LAMA2: variants seen among roughly 807,000 people sequenced by gnomAD.
LAMA2 encodes laminin subunit alpha 2.
A neutral mutation model predicts 364.8 loss-of-function variants in LAMA2; 269 were observed. The observed-to-expected ratio is 0.74, with a 90% CI of 0.67 to 0.82. The LOEUF (loss-of-function observed/expected upper bound fraction) is 0.82, where lower values mean the gene tolerates loss of function less well. Ranked by LOEUF, LAMA2 falls within the 40% of genes least tolerant of loss-of-function variation. The probability of loss-of-function intolerance (pLI) is 0.00; values close to 1 mark genes in which losing one functional copy is unlikely to be tolerated. For synonymous variants in LAMA2, 1,379 were observed against 1,370.6 expected (o/e 1.01, Z -0.14); for missense variants, 3,807 against 3,873.2 (o/e 0.98, Z 0.45).
At chr6:129,430,530 T>C (rs1781537032) in intron 41 of LAMA2, among the ~76,000 whole-genome samples, 1 of 152,256 alleles carries the variant, frequency 6.6e-6, no homozygotes, top group Non-Finnish European at 1.5e-5. Flanking sequence ...GAAGCCTGTC[T>C]ACATTGCACT....
At chr6:129,137,723 CTAGTCCAGTCTA>C (rs1000621608) in intron 4 of LAMA2, among the ~76,000 whole-genome samples, 32 of 152,188 alleles carry the variant, frequency 2.1e-4, no homozygotes, top group Non-Finnish European at 4.3e-4. Flanking sequence ...ATTGGAAGCT[CTAGTCCAGTCTA>C]TAGTATTTGG....
intron 1 of LAMA2, among the ~76,000 whole-genome samples, chr6:128,980,902 A>G (rs1782824580): frequency 6.6e-6 from 1 of 152,244 alleles, no homozygotes; most frequent in South Asian, 2.1e-4. Flanking sequence ...ATCATTGGAC[A>G]AATGTGAGAT....
At chr6:129,136,048 G>C (rs1269846322) in intron 4 of LAMA2, among the ~76,000 whole-genome samples, 1 of 151,932 alleles carries the variant, frequency 6.6e-6, no homozygotes. Context: ...AAAGTGAGAG[G>C]GAAGGGGGAA....
At chr6:129,435,751 A>C (rs1157012046) in intron 41 of LAMA2, among the ~76,000 whole-genome samples, 4 of 152,132 alleles carry the variant, frequency 2.6e-5, no homozygotes, top group Non-Finnish European at 5.9e-5. Flanking sequence ...AAGTGGAGTG[A>C]ATCATTAATT....
chr6:128,956,194 TATTTTA>T (rs1358027318), intron 1 of LAMA2, among the ~76,000 whole-genome samples: 1 of 151,936 alleles, frequency 6.6e-6, no homozygotes, highest in African/African-American at 2.4e-5. Context: ...TTTAAAATAA[TATTTTA>T]ATATTAAAGG....
intron 3 of LAMA2, among the ~76,000 whole-genome samples, chr6:129,081,793 T>C (rs529141964): frequency 9.8e-5 from 15 of 152,326 alleles, no homozygotes; most frequent in African/African-American, 3.1e-4. Context: ...TTATTACTTA[T>C]GAGCATTAAA....
intron 1 of LAMA2, among the ~76,000 whole-genome samples, chr6:128,901,982 G>A (rs964228350): frequency 2.6e-5 from 4 of 152,200 alleles, no homozygotes; most frequent in African/African-American, 9.6e-5. Flanking sequence ...GTTCCACCTG[G>A]CTGGGGAGGC....
At chr6:129,151,658 C>A (rs1418579628) in intron 7 of LAMA2, among the ~76,000 whole-genome samples, 1 of 152,134 alleles carries the variant, frequency 6.6e-6, no homozygotes, top group Non-Finnish European at 1.5e-5. Flanking sequence ...GAAGAGGGAG[C>A]AGGCACATCT....
At position 129,401,254 on chromosome 6, in the gene LAMA2, C is replaced by T. The variant is rs747349942; in HGVS notation, c.5476C>T (p.Arg1826Ter). The T allele has an allele frequency of 5.9e-5, 95 of 1,611,364 alleles. No individual in the cohort carries two copies. Among genetic ancestry groups the T allele is most frequent in the South Asian group, 8.8e-5 (8 of 90,996 alleles). Residue 1826 changes from arginine (R) to a stop codon, truncating the protein, a stop_gained, in exon 38 of 65, where the codon CGA becomes TGA. Transcript: ENST00000421865. LOFTEE classifies it high-confidence loss of function. ...KKKEAVESGK[R>*]QIENTLKEGN... ...GAAGGAGGCTGTTGAAAGCGGCAAACGACAAATTGAGAACACTTTAAAAGA... is the reference window on the plus strand; with the variant it reads ...GAAGGAGGCTGTTGAAAGCGGCAAATGACAAATTGAGAACACTTTAAAAGA...
At chr6:129,121,996 TGCAAAATTACAGCTCACTC>T (rs1776829057) in intron 4 of LAMA2, among the ~76,000 whole-genome samples, 1 of 152,206 alleles carries the variant, frequency 6.6e-6, no homozygotes, top group Non-Finnish European at 1.5e-5. Flanking sequence ...TGATGCCTAT[TGCAAAATTACAGCTCACTC>T]TTAAAATTAT....
intron 30 of LAMA2, among the ~76,000 whole-genome samples, chr6:129,346,378 C>A (rs1776552842): frequency 6.6e-6 from 1 of 152,190 alleles, no homozygotes; most frequent in South Asian, 2.1e-4. Flanking sequence ...TCAAACCCTA[C>A]CTCTGCCACA....
intron 55 of LAMA2, among the ~76,000 whole-genome samples, chr6:129,482,098 G>T (rs182335576): frequency 6.6e-6 from 1 of 152,174 alleles, no homozygotes; most frequent in African/African-American, 2.4e-5. Flanking sequence ...TTGAGCCCAG[G>T]AGTTTGAAAC....
rs777129293 is a variant in LAMA2, at chr6:129,312,839, G to A, written c.3175-22G>A. 2.6e-6 allele frequency: 4 copies of A among 1,521,698 alleles called. No homozygotes were observed. The highest frequency in any genetic ancestry group is 3.6e-6 in the Non-Finnish European group (4 of 1,096,030). The allele number at this position is 1,521,698 out of a possible 1,614,324, so 94.3% of individuals were successfully genotyped here. A position where few individuals can be genotyped will look rare whatever the true frequency, so the allele number is the denominator to read the frequency against. ...TTCCCATAAAGTTGTGTTAATGGTT[G>A]CTGTTTTTATCTCCTCTATAGGCTT... On this transcript the variant is annotated intron_variant, in intron 22 of 64. Coordinates refer to ENST00000421865, the MANE Select transcript of LAMA2 (RefSeq NM_000426.4).
At chr6:129,248,144 C>A (rs753519539) in intron 12 of LAMA2, among the ~76,000 whole-genome samples, 18 of 152,136 alleles carry the variant, frequency 1.2e-4, no homozygotes, top group African/African-American at 2.4e-4. Context: ...TTGTGAACTG[C>A]GCATGCGAGG....
intron 1 of LAMA2, among the ~76,000 whole-genome samples, chr6:129,010,511 T>C (rs1784700928): frequency 1.3e-5 from 2 of 152,200 alleles, no homozygotes; most frequent in Non-Finnish European, 2.9e-5. Flanking sequence ...TTTAAAAACT[T>C]TCATGATGTA....
At position 129,514,499 on chromosome 6, in the gene LAMA2, C is replaced by A; in HGVS notation, c.9115C>A (p.Leu3039Ile). ...CAACAAGATCAAACACCGCATTGAG[C>A]TCACAGTCGATGGGAACCAGGTGGA... ...TANKIKHRIE[L>I]TVDGNQVEAQ... Residue 3039 changes from leucine (L) to isoleucine (I), a missense_variant, in exon 64 of 65, where the codon CTC becomes ATC. By Grantham distance (5) the Leu-to-Ile change is conservative. This residue lies in a region of LAMA2 where 3,333 missense variants were observed against 3,345.7 expected (regional missense o/e 1.00). Transcript: ENST00000421865. 1 of 1,614,128 alleles carries A rather than the reference C, an allele frequency of 6.2e-7. No homozygotes were observed. The highest frequency in any genetic ancestry group is 8.5e-7 in the Non-Finnish European group (1 of 1,179,982).
chr6:128,898,282 A>G (rs1375200441), intron 1 of LAMA2, among the ~76,000 whole-genome samples: 1 of 152,142 alleles, frequency 6.6e-6, no homozygotes, highest in Non-Finnish European at 1.5e-5. Context: ...AGAACTGCCT[A>G]TTTATTTGAT....
intron 32 of LAMA2, among the ~76,000 whole-genome samples, chr6:129,364,360 C>T (rs1220750816): frequency 1.3e-5 from 2 of 152,084 alleles, no homozygotes; most frequent in East Asian, 3.9e-4. Flanking sequence ...AGAGCTGCTC[C>T]AATTCTCGGT....
At chr6:129,191,405 G>C (rs1781516486) in intron 11 of LAMA2, among the ~76,000 whole-genome samples, 1 of 152,146 alleles carries the variant, frequency 6.6e-6, no homozygotes, top group Non-Finnish European at 1.5e-5. Flanking sequence ...AGACTTCAAA[G>C]AATCAACCAC....
Sources: gnomAD v4.1 joint callset for allele counts (sites outside exome capture counted in the v4.1 genomes callset) on GRCh38, gnomAD v4.1.1 for gene constraint, gnomAD v4.1.1 regional missense constraint, MANE v1.5 for transcripts, NCBI Gene and HGNC (gene_info 2026-07-23, HGNC 2026-07-21) for gene names.